The following HIVEP1 variants were observed in gnomAD, a reference collection of about 807,000 sequenced individuals.
The protein encoded by HIVEP1 is HIVEP zinc finger 1.
In HIVEP1, 36 loss-of-function variants were observed where a neutral mutation model predicts 180.0. The observed-to-expected ratio is 0.20, with a 90% CI of 0.15 to 0.26. HIVEP1 has a LOEUF of 0.26. HIVEP1 is among the 10% of genes least tolerant of loss of function. HIVEP1 has a pLI of 1.00. For missense variants in HIVEP1, 3,143 were observed against 3,268.7 expected, an observed-to-expected ratio of 0.96 and a Z score of 0.94; for synonymous variants, 1,239 against 1,239.0, an observed-to-expected ratio of 1.00 and a Z score of 0.00.
chr6:12,031,596 A>G (rs1166421656), intron 2 of HIVEP1, among the ~76,000 whole-genome samples: 1 of 152,318 alleles, frequency 6.6e-6, no homozygotes, highest in East Asian at 1.9e-4. Context: ...TGCTTTTCCC[A>G]GCTTTCCCCT....
intron 7 of HIVEP1, 30 bp downstream of exon 7, chr6:12,135,922 T>C (rs781239928): frequency 4.2e-6 from 6 of 1,427,594 alleles, no homozygotes; most frequent in Admixed American, 3.5e-5. Context: ...TTTTCATAAA[T>C]GCTATTTATA....
chr6:12,184,006 TAGATAGATAGATAGATAGAC>T, the HIVEP1 span, among the ~76,000 whole-genome samples: 1 of 143,236 alleles, frequency 7.0e-6, no homozygotes, highest in African/African-American at 2.8e-5. Context: ...GATAGATAGA[TAGATAGATAGATAGATAGAC>T]AGACAGACAG....
intron 7 of HIVEP1, among the ~76,000 whole-genome samples, chr6:12,146,451 T>A (rs867931004): frequency 2.6e-5 from 4 of 152,184 alleles, no homozygotes; most frequent in Middle Eastern, 3.4e-3. Flanking sequence ...CTCAAAAAAA[T>A]AATAATAATA....
At position 12,120,266 on chromosome 6, in the gene HIVEP1, T is replaced by A; in HGVS notation, c.471T>A (p.Ser157Arg). 6.2e-7 allele frequency: 1 copy of A among 1,614,164 alleles called. No individual in the cohort carries two copies. Among genetic ancestry groups the A allele is most frequent in the Non-Finnish European group, 8.5e-7 (1 of 1,180,000 alleles). ...RSEGADPAKF[S>R]DLDEQCDSSS... The stretch of plus-strand genomic sequence containing the variant: ...AAGGCGCTGATCCTGCCAAATTCAG[T>A]GACCTCGATGAACAATGTGACTCAA... The change falls in exon 4 of 9, where the codon AGT becomes AGA. Residue 157 changes from serine (S) to arginine (R), a missense_variant. This residue lies in a region of HIVEP1 where 306 missense variants were observed against 310.6 expected (regional missense o/e 0.99). Transcript: ENST00000379388.
chr6:12,158,766 G>T lies in HIVEP1; in HGVS notation c.6488-2673G>T, dbSNP rs182135970. Among the ~76,000 whole-genome samples, 6 of 152,278 alleles carry T rather than the reference G, an allele frequency of 3.9e-5. No homozygotes were observed. In the East Asian group the frequency reaches 1.2e-3, roughly 29 times the overall value. On this transcript the variant is annotated intron_variant, in intron 7 of 8. Coordinates refer to ENST00000379388, the MANE Select transcript of HIVEP1 (RefSeq NM_002114.4). ...TCCACACTGCAGTGAGTTTTCAGCAGTGTCCTAAGGACAACAGTGCGTGCC... is the reference window on the plus strand; with the variant it reads ...TCCACACTGCAGTGAGTTTTCAGCATTGTCCTAAGGACAACAGTGCGTGCC...
At chr6:12,065,665 G>A (rs545780726) in intron 2 of HIVEP1, among the ~76,000 whole-genome samples, 79 of 131,936 alleles carry the variant, frequency 6.0e-4, no homozygotes, top group African/African-American at 2.2e-3. Flanking sequence ...CTCCCAGGTA[G>A]GTTTTGTGTG....
rs1561962823 is a variant in HIVEP1 at position 12,121,427 on chromosome 6, C to T, written c.1632C>T (p.Asp544=). The T allele has an allele frequency of 6.2e-7, 1 of 1,614,028 alleles. No homozygotes were observed. The highest frequency in any genetic ancestry group is 1.3e-5 in the African/African-American group (1 of 74,924). The change falls in exon 4 of 9, where the codon GAC becomes GAT. Residue 544 remains aspartate, a synonymous_variant. Transcript: ENST00000379388. The surrounding 1 kb of genome is among the most constrained non-coding windows in gnomAD (Gnocchi z 5.3). ...TPSSPENVIG[D]FLLQDRSAES... ...GCAGTCCAGAAAATGTGATAGGTGA[C>T]TTTTTGCTACAGGACAGATCTGCAG...
the HIVEP1 span, among the ~76,000 whole-genome samples, chr6:12,176,206 G>C: frequency 1.3e-5 from 2 of 151,090 alleles, no homozygotes; most frequent in Admixed American, 1.3e-4. Context: ...GTTTGACTCG[G>C]GGTAATTTTG....
chr6:12,020,377 G>T (rs1230217553), intron 2 of HIVEP1: 1 of 471,212 alleles, frequency 2.1e-6, no homozygotes, highest in Non-Finnish European at 4.4e-6. Context: ...CCGTGGAGAA[G>T]GGTCACTGGA....
the HIVEP1 span, among the ~76,000 whole-genome samples, chr6:12,209,859 T>C: frequency 6.6e-6 from 1 of 152,202 alleles, no homozygotes; most frequent in African/African-American, 2.4e-5. Context: ...TTGTTATATA[T>C]TGTGGGAGTG....
At chr6:12,045,654 G>T (rs1367952680) in intron 2 of HIVEP1, among the ~76,000 whole-genome samples, 5 of 152,180 alleles carry the variant, frequency 3.3e-5, no homozygotes, top group Non-Finnish European at 7.3e-5. Flanking sequence ...TTTGTTAGAG[G>T]TGATTGATTG....
At position 12,078,743 on chromosome 6, in the gene HIVEP1, G is replaced by A. The variant is rs867600254; in HGVS notation, c.41-10441G>A. On this transcript the variant is annotated intron_variant, in intron 2 of 8. Coordinates refer to ENST00000379388, the MANE Select transcript of HIVEP1 (RefSeq NM_002114.4). ...ACATATATATATACTTTTAACATTT[G>A]TTATAGGGGAAAATGGATGTAATTA... Among the ~76,000 whole-genome samples, 3 of 116,750 alleles carry A rather than the reference G, an allele frequency of 2.6e-5. No homozygotes were observed. The South Asian group carries it at 7.7e-4, about 30-fold the overall frequency. 76.6% of individuals were successfully genotyped at this position (116,750 alleles called of 152,430 possible). A position where few individuals can be genotyped will look rare whatever the true frequency, so the allele number is the denominator to read the frequency against.
chr6:12,020,827 C>T (rs1768134345), intron 2 of HIVEP1, among the ~76,000 whole-genome samples: 3 of 151,248 alleles, frequency 2.0e-5, no homozygotes, highest in African/African-American at 2.4e-5. Context: ...CATTTGGCTC[C>T]GAACACTCTG....
In HIVEP1 at chr6:12,161,926, A is replaced by G. The variant is rs1760435187; in HGVS notation, c.6975A>G (p.Thr2325=). 1.2e-6 allele frequency: 2 copies of G among 1,603,732 alleles called. No homozygotes were observed. Among genetic ancestry groups the G allele is most frequent in the South Asian group, 2.2e-5 (2 of 90,324 alleles). ...TGGCAGGAAAAGCTGTTGCTATAAC[A>G]CAGGTAAATGATTGGCAGTTGTTCT... is the stretch of plus-strand genomic sequence containing the variant. The part of the protein sequence containing the change: ...SSMAGKAVAI[T]QSPSSVRLPP... The change falls in exon 8 of 9, where the codon ACA becomes ACG. Residue 2325 remains threonine, a synonymous_variant. Transcript: ENST00000379388.
At chr6:12,056,657 T>C (rs1461194014) in intron 2 of HIVEP1, among the ~76,000 whole-genome samples, 1 of 152,188 alleles carries the variant, frequency 6.6e-6, no homozygotes, top group East Asian at 1.9e-4. Flanking sequence ...TTTATTACAT[T>C]GTCCAGGACT....
intron 7 of HIVEP1, among the ~76,000 whole-genome samples, chr6:12,137,448 A>G (rs539296585): frequency 4.3e-4 from 65 of 152,318 alleles, no homozygotes; most frequent in Non-Finnish European, 1.5e-4. Flanking sequence ...TTGTATTTTC[A>G]TCTAATTCCA....
intron 3 of HIVEP1, among the ~76,000 whole-genome samples, chr6:12,108,791 C>G (rs867865275): frequency 4.6e-5 from 7 of 152,166 alleles, no homozygotes; most frequent in Admixed American, 4.6e-4. Context: ...TCCCTGCAAG[C>G]TGAGGGAGCC....
intron 7 of HIVEP1, among the ~76,000 whole-genome samples, chr6:12,142,444 AATCAACACCTAGC>A (rs980735654): frequency 1.3e-5 from 2 of 152,090 alleles, no homozygotes; most frequent in African/African-American, 4.8e-5. Context: ...AAAGATGTAA[AATCAACACCTAGC>A]ATCAAAATTA....
At chr6:12,020,565 G>C in intron 2 of HIVEP1, 1 of 397,892 alleles carries the variant, frequency 2.5e-6, no homozygotes. Context: ...GACTTGCAGG[G>C]GGTTCCATGC....
Sources: allele counts gnomAD v4.1 joint callset (sites outside exome capture counted in the v4.1 genomes callset), GRCh38; gene constraint gnomAD v4.1.1; regional missense constraint gnomAD v4.1.1; non-coding constraint Gnocchi (gnomAD v3.1); transcripts MANE v1.5; gene names NCBI Gene and HGNC (gene_info 2026-07-23, HGNC 2026-07-21).